Variants in CCDC171 observed in about 807,000 individuals in gnomAD.
CCDC171 encodes the protein coiled-coil domain containing 171, also known as coiled-coil domain-containing protein 171.
A neutral mutation model predicts 168.2 loss-of-function variants in CCDC171; 177 were observed. The ratio of observed to expected loss-of-function variants is 1.05; its 90% CI spans 0.93 to 1.19. The LOEUF (loss-of-function observed/expected upper bound fraction) is 1.19. CCDC171 is among the 50% of genes most tolerant of loss of function. The pLI, the probability that CCDC171 is intolerant of heterozygous loss-of-function variation, is 0.00. For synonymous variants in CCDC171, 687 were observed against 540.8 expected (o/e 1.27, Z -3.75); for missense variants, 1,991 against 1,539.0 (o/e 1.29, Z -4.91).
chr9:15,771,687 A>C (rs971174860), intron 18 of CCDC171, among the ~76,000 whole-genome samples: 3 of 152,226 alleles, frequency 2.0e-5, no homozygotes, highest in African/African-American at 7.2e-5. Context: ...AGTTACTGAG[A>C]AAGGCTAGCC....
chr9:15,982,892 G>C (rs1831848021), intron 3 of CCDC171, among the ~76,000 whole-genome samples: 1 of 152,152 alleles, frequency 6.6e-6, no homozygotes, highest in South Asian at 2.1e-4. Flanking sequence ...GGGGACATGG[G>C]TAGATTCTGC....
intron 24 of CCDC171, among the ~76,000 whole-genome samples, chr9:15,895,945 C>T (rs997959242): frequency 6.6e-6 from 1 of 151,936 alleles, no homozygotes; most frequent in Non-Finnish European, 1.5e-5. Flanking sequence ...CTGACTTTTT[C>T]TAAGATTATT....
Position 15,850,762 on chromosome 9 carries a change from T to C in CCDC171, c.3468+1815T>C, listed in dbSNP as rs1439404924. Among the ~76,000 whole-genome samples the C allele has an allele frequency of 2.6e-5, 4 of 151,918 alleles. No individual in the cohort carries two copies. In the East Asian group the frequency reaches 5.8e-4, roughly 22 times the overall value. On this transcript the variant is annotated intron_variant, in intron 23 of 25. Coordinates refer to ENST00000380701, the MANE Select transcript of CCDC171 (RefSeq NM_173550.4). ...CACCTGTCTTCGTGCCAGAGTTCAA[T>C]AGGTTTATTTTTCTGGCCACCTTGG...
chr9:15,672,555 C>T (rs2049198326), intron 9 of CCDC171, among the ~76,000 whole-genome samples: 1 of 152,182 alleles, frequency 6.6e-6, no homozygotes, highest in African/African-American at 2.4e-5. Context: ...GATCCAGTTT[C>T]AGCTTTCTGC....
chr9:15,686,249 C>T (rs962218208), intron 10 of CCDC171, among the ~76,000 whole-genome samples: 3 of 152,110 alleles, frequency 2.0e-5, no homozygotes, highest in African/African-American at 7.2e-5. Context: ...ATAGAAACAA[C>T]ATAAATTTTG....
intron 23 of CCDC171, among the ~76,000 whole-genome samples, chr9:15,864,779 T>G (rs1467516955): frequency 3.9e-5 from 6 of 152,114 alleles, no homozygotes; most frequent in African/African-American, 7.2e-5. Context: ...AATAGAGAGA[T>G]ATCTCAGTTT....
In CCDC171 at chr9:15,744,578, G is replaced by C. The variant is rs374486901; in HGVS notation, c.2355G>C (p.Glu785Asp). ...ALSTVEEKKQ[E>D]EAKMKKKTFK... is the part of the protein sequence containing the mutation. ...CAACTGTAGAGGAAAAGAAGCAAGA[G>C]GAAGCCAAGATGAAAAAGAAAACAT... The change falls in exon 17 of 26, where the codon GAG becomes GAC. Residue 785 changes from glutamate (E) to aspartate (D), a missense_variant. Coordinates refer to ENST00000380701, the MANE Select transcript of CCDC171 (RefSeq NM_173550.4). The C allele has an allele frequency of 6.2e-7, 1 of 1,614,076 alleles. No individual in the cohort carries two copies. Among genetic ancestry groups the C allele is most frequent in the Non-Finnish European group, 8.5e-7 (1 of 1,180,034 alleles).
intron 11 of CCDC171, among the ~76,000 whole-genome samples, chr9:15,711,051 G>A (rs974307840): frequency 6.6e-6 from 1 of 152,116 alleles, no homozygotes; most frequent in Non-Finnish European, 1.5e-5. Context: ...AATTGGTAAT[G>A]GAATCTGCAG....
chr9:15,773,507 C>T (rs1405392452), intron 18 of CCDC171, among the ~76,000 whole-genome samples: 1 of 152,158 alleles, frequency 6.6e-6, no homozygotes, highest in Non-Finnish European at 1.5e-5. Flanking sequence ...ATAGGGTTCA[C>T]TTCTTTCATT....
At chr9:15,820,862 A>C (rs1388291121) in intron 21 of CCDC171, among the ~76,000 whole-genome samples, 3 of 116,684 alleles carry the variant, frequency 2.6e-5, no homozygotes, top group Admixed American at 8.1e-5. Context: ...CTGATACCAA[A>C]GCGTGGCAGA....
chr9:15,924,017 A>G (rs1452960391), intron 25 of CCDC171, among the ~76,000 whole-genome samples: 2 of 151,482 alleles, frequency 1.3e-5, no homozygotes, highest in African/African-American at 4.8e-5. Flanking sequence ...ATGTATATAG[A>G]TATATAGATA....
chr9:15,634,515 T>C (rs1449379157), intron 7 of CCDC171, among the ~76,000 whole-genome samples: 2 of 152,320 alleles, frequency 1.3e-5, no homozygotes, highest in Admixed American at 1.3e-4. Flanking sequence ...CAGCTTCTGG[T>C]TCAGATTTAT....
chr9:15,836,829 C>T (rs2060472414), intron 21 of CCDC171, among the ~76,000 whole-genome samples: 1 of 152,184 alleles, frequency 6.6e-6, no homozygotes, highest in East Asian at 1.9e-4. Context: ...TTTACATCGT[C>T]AAATTTCGTA....
chr9:15,874,999 G>T (rs1817657003), intron 24 of CCDC171: 1 of 162,338 alleles, frequency 6.2e-6, no homozygotes, highest in Non-Finnish European at 1.3e-5. Flanking sequence ...GTCTCAATTT[G>T]TTGCTTTTAT....
intron 4 of CCDC171, 64 bp from the exon 5 acceptor site, chr9:15,591,302 G>A: frequency 1.0e-6 from 1 of 1,001,444 alleles, no homozygotes; most frequent in Non-Finnish European, 1.5e-6. Context: ...CAATGCCTAG[G>A]TTTTGGGGCT....
At chr9:15,713,542 G>A (rs1564267925) in intron 11 of CCDC171, among the ~76,000 whole-genome samples, 2 of 152,184 alleles carry the variant, frequency 1.3e-5, no homozygotes, top group Middle Eastern at 3.4e-3. Flanking sequence ...CACAGTAACC[G>A]TTTCATGATG....
intron 7 of CCDC171, among the ~76,000 whole-genome samples, chr9:15,647,477 C>G (rs1193343853): frequency 6.6e-6 from 1 of 151,622 alleles, no homozygotes; most frequent in Non-Finnish European, 1.5e-5. Context: ...TTTAAAAGAT[C>G]AACAAAATTG....
chr9:15,667,344 C>A (rs1206664158), intron 9 of CCDC171, among the ~76,000 whole-genome samples: 2 of 151,972 alleles, frequency 1.3e-5, no homozygotes, highest in African/African-American at 2.4e-5. Context: ...ATATAAAGAT[C>A]CCTTTTAAAA....
At chr9:16,057,515 C>T (rs981485428) in intron 1 of CCDC171, among the ~76,000 whole-genome samples, 2 of 152,150 alleles carry the variant, frequency 1.3e-5, no homozygotes, top group African/African-American at 2.4e-5. Context: ...ATTGTAAGAT[C>T]AGTCCTCAGA....
Sources: allele counts gnomAD v4.1 joint callset (sites outside exome capture counted in the v4.1 genomes callset), GRCh38; gene constraint gnomAD v4.1.1; transcripts MANE v1.5; gene names NCBI Gene and HGNC (gene_info 2026-07-23, HGNC 2026-07-21).